Variants in PSME4 observed in about 807,000 individuals in gnomAD.
PSME4 encodes the protein proteasome activator complex subunit 4.
A neutral mutation model predicts 253.9 loss-of-function variants in PSME4; 89 were observed. The observed-to-expected ratio is 0.35, with a 90% CI of 0.30 to 0.42. The LOEUF is 0.42. PSME4 is among the 10% of genes least tolerant of loss of function. The pLI, the probability that PSME4 is intolerant of heterozygous loss-of-function variation, is 1.00. For synonymous variants in PSME4, 851 were observed against 759.2 expected, an observed-to-expected ratio of 1.12 and a Z score of -1.99; for missense variants, 2,014 against 2,195.2, an observed-to-expected ratio of 0.92 and a Z score of 1.65.
At chr2:53,952,435 G>A (rs969060803) in intron 1 of PSME4, among the ~76,000 whole-genome samples, 1 of 152,090 alleles carries the variant, frequency 6.6e-6, no homozygotes, top group Non-Finnish European at 1.5e-5. Context: ...CCAGCTACTC[G>A]GGAGGCTGAG....
chr2:53,970,596 C>T lies in PSME4; in HGVS notation c.189G>A (p.Val63=). The change falls in exon 1 of 47, where the codon GTG becomes GTA. Residue 63 remains valine, a synonymous_variant. Transcript: ENST00000404125. The stretch of plus-strand genomic sequence containing the variant: ...CCCCGGGCCACAGCTCTTGGAGCTG[C>T]ACGGCCCGGCCCAGGTTGCATTTGA... ...AQIKCNLGRA[V]QLQELWPGGL... is the part of the protein sequence containing the mutation. The T allele has an allele frequency of 6.5e-7, 1 of 1,549,364 alleles. No individual in the cohort carries two copies. Among genetic ancestry groups the T allele is most frequent in the Non-Finnish European group, 8.7e-7 (1 of 1,146,932 alleles).
At chr2:53,944,536 TA>T (rs1016284380) in intron 3 of PSME4, among the ~76,000 whole-genome samples, 1 of 152,216 alleles carries the variant, frequency 6.6e-6, no homozygotes, top group African/African-American at 2.4e-5. Flanking sequence ...AATACTACAT[TA>T]AAAAATAATT....
intron 1 of PSME4, among the ~76,000 whole-genome samples, chr2:53,961,769 G>T (rs1670505201): frequency 6.6e-6 from 1 of 152,114 alleles, no homozygotes. Context: ...CCTCAGCAAG[G>T]CCATTTTTAT....
chr2:53,897,906 A>C lies in PSME4; in HGVS notation c.3570T>G (p.Val1190=). The C allele has an allele frequency of 1.2e-5, 19 of 1,613,840 alleles. No homozygotes were observed. The highest frequency in any genetic ancestry group is 1.6e-5 in the Non-Finnish European group (19 of 1,179,732). Residue 1190 remains valine (V), a synonymous_variant, in exon 31 of 47, where the codon GTT becomes GTG. Transcript: ENST00000404125. ...VLPLRAIRFF[V]ENLNHDAIVV... ...CAATTGCATCATGGTTGAGATTCTC[A>C]ACAAAAAACCGTATGGCACGAAGAG... is the stretch of plus-strand genomic sequence containing the variant.
intron 36 of PSME4, 75 bp from the exon 37 acceptor site, chr2:53,890,283 G>A: frequency 3.0e-6 from 3 of 1,002,038 alleles, no homozygotes; most frequent in Non-Finnish European, 4.7e-6. Context: ...TTCTTTACCT[G>A]GAAATGTACA....
At chr2:53,941,743 T>C (rs555710682) in intron 3 of PSME4, among the ~76,000 whole-genome samples, 201 of 152,238 alleles carry the variant, frequency 1.3e-3, no homozygotes, top group Non-Finnish European at 2.3e-3. Flanking sequence ...TCTAAAATTG[T>C]AAACTGTTTA....
At chr2:53,957,470 A>G (rs1048498299) in intron 1 of PSME4, among the ~76,000 whole-genome samples, 1 of 152,222 alleles carries the variant, frequency 6.6e-6, no homozygotes, top group Admixed American at 6.5e-5. Context: ...AGAGCACACA[A>G]CCTAGATCCC....
intron 4 of PSME4, among the ~76,000 whole-genome samples, chr2:53,938,249 A>G (rs529767721): frequency 1.3e-5 from 2 of 152,192 alleles, no homozygotes; most frequent in African/African-American, 4.8e-5. Context: ...TCAGTCCAGC[A>G]ATCTCTAGGC....
Position 53,899,984 on chromosome 2 carries a change from G to T in PSME4, c.3319C>A (p.Leu1107Ile). 6.2e-7 allele frequency: 1 copy of T among 1,613,414 alleles called. No individual in the cohort carries two copies. The highest frequency in any genetic ancestry group is 1.1e-5 in the South Asian group (1 of 91,010). ...PKSCVEIAELLQQSKNPSINQ... is the reference protein window; with the variant it reads ...PKSCVEIAELIQQSKNPSINQ... Reference sequence around the variant, plus strand: ...ATAGAGGGGTTTTTTGACTGTTGAAGTAATTCCGCTATTTCAACACATGAC... The same window carrying T: ...ATAGAGGGGTTTTTTGACTGTTGAATTAATTCCGCTATTTCAACACATGAC... The change falls in exon 29 of 47, where the codon CTT becomes ATT. Residue 1107 changes from leucine to isoleucine, a missense_variant. Physicochemically the swap from Leu to Ile is conservative, Grantham distance 5. Transcript: ENST00000404125.
At position 53,901,412 on chromosome 2, in the gene PSME4, A is replaced by G. The variant is rs376753235; in HGVS notation, c.3223T>C (p.Leu1075=). 2.1e-5 allele frequency: 34 copies of G among 1,614,032 alleles called. No individual in the cohort carries two copies. The highest frequency in any genetic ancestry group is 1.6e-4 in the Middle Eastern group (1 of 6,084). ...MSLEKPSIVR[L]FDDLAEKIHR... ...ATCTTTTCTGCAAGATCATCAAACA[A>G]TCTCACTATTGATGGCTTTTCCAGG... Residue 1075 remains leucine (L), a synonymous_variant, in exon 28 of 47, where the codon TTG becomes CTG. Coordinates refer to ENST00000404125, the MANE Select transcript of PSME4 (RefSeq NM_014614.3).
chr2:53,908,458 A>G lies in PSME4; in HGVS notation c.2686-40T>C, dbSNP rs750114956. 8.7e-6 allele frequency: 14 copies of G among 1,612,198 alleles called. No homozygotes were observed. In the East Asian group the frequency reaches 3.1e-4, roughly 36 times the overall value. On this transcript the variant is annotated intron_variant, in intron 23 of 46. Coordinates refer to ENST00000404125, the MANE Select transcript of PSME4 (RefSeq NM_014614.3). ...TTCAAATTGTATTTGCAAGTCATCA[A>G]TCCAAGCTTGATCGTATTAATCATT...
At chr2:53,947,994 C>T (rs1185077196) in intron 3 of PSME4, among the ~76,000 whole-genome samples, 1 of 152,018 alleles carries the variant, frequency 6.6e-6, no homozygotes, top group African/African-American at 2.4e-5. Context: ...CCAGCCTGAG[C>T]GTCAGAGTGA....
chr2:53,872,896 T>A (rs1678951454), intron 43 of PSME4, among the ~76,000 whole-genome samples: 1 of 146,522 alleles, frequency 6.8e-6, no homozygotes. Context: ...AATAAGAAAT[T>A]AAAAAAAAAA....
In PSME4 at chr2:53,900,586, C is replaced by T. The variant is rs368493657; in HGVS notation, c.3286-569G>A. ...TTCTGGAATTTGAGTAGTTACACAG[C>T]CCTGTGAATATTCTACTGTGCATAT... is the stretch of plus-strand genomic sequence containing the variant. On this transcript the variant is annotated intron_variant, in intron 28 of 46. Transcript: ENST00000404125. Among the ~76,000 whole-genome samples the T allele has an allele frequency of 3.9e-5, 6 of 152,110 alleles. No homozygotes were observed. The East Asian group carries it at 5.8e-4, about 15-fold the overall frequency.
intron 11 of PSME4, 39 bp downstream of exon 11, chr2:53,928,078 C>T (rs751619313): frequency 2.0e-6 from 3 of 1,502,544 alleles, no homozygotes; most frequent in Admixed American, 3.6e-5. Context: ...ACTTTGCCTC[C>T]TACCTAAATA....
At chr2:53,949,012 T>C (rs1265189004) in intron 2 of PSME4, 131 bp downstream of exon 2, 5 of 1,219,376 alleles carry the variant, frequency 4.1e-6, no homozygotes, top group Non-Finnish European at 5.6e-6. Context: ...ATTAAGATAA[T>C]GTTTTTTGCA....
At chr2:53,886,346 C>A (rs1679637302) in intron 40 of PSME4, among the ~76,000 whole-genome samples, 1 of 152,158 alleles carries the variant, frequency 6.6e-6, no homozygotes, top group African/African-American at 2.4e-5. Flanking sequence ...GAGATTGAGG[C>A]TGCAGTAAGC....
intron 27 of PSME4, among the ~76,000 whole-genome samples, chr2:53,902,336 T>G (rs1680441740): frequency 6.6e-6 from 1 of 152,186 alleles, no homozygotes; most frequent in Non-Finnish European, 1.5e-5. Flanking sequence ...AAAGTCCAAT[T>G]AACCACAATG....
chr2:53,928,173 G>A lies in PSME4; in HGVS notation c.1447C>T (p.Pro483Ser), dbSNP rs1441018534. The change falls in exon 11 of 47, where the codon CCT becomes TCT. Residue 483 changes from proline to serine, a missense_variant. Pro to Ser is a moderately conservative substitution (Grantham distance 74, BLOSUM62 -1). Around this residue, in one of 4 missense-constraint regions of PSME4, gnomAD observed 615 missense variants for 594.4 expected, o/e 1.03. Coordinates refer to ENST00000404125, the MANE Select transcript of PSME4 (RefSeq NM_014614.3). ...CCAGGCAATGCTCTCATCAACAGAG[G>A]TAGCATATGTGTAGGACCTTCAGGA... ...WFPEGPTHML[P>S]LLMRALPGVD... The A allele has an allele frequency of 6.2e-7, 1 of 1,613,930 alleles. No individual in the cohort carries two copies. Among genetic ancestry groups the A allele is most frequent in the Non-Finnish European group, 8.5e-7 (1 of 1,180,000 alleles).
Sources: gnomAD v4.1 joint callset for allele counts (sites outside exome capture counted in the v4.1 genomes callset) on GRCh38, gnomAD v4.1.1 for gene constraint, gnomAD v4.1.1 regional missense constraint, MANE v1.5 for transcripts, NCBI Gene and HGNC (gene_info 2026-07-23, HGNC 2026-07-21) for gene names.